The following TUB variants were observed in gnomAD, a reference collection of about 807,000 sequenced individuals.
TUB encodes the protein TUB bipartite transcription factor, also known as tubby protein homolog.
TUB carries 33 observed loss-of-function variants against 59.7 expected under a neutral mutation model. The ratio of observed to expected loss-of-function variants is 0.55; its 90% CI spans 0.42 to 0.74. TUB has a LOEUF of 0.74. Ranked by LOEUF, TUB falls within the 30% of genes least tolerant of loss-of-function variation. The pLI is 0.00. For synonymous variants in TUB, 293 were observed against 256.4 expected, an observed-to-expected ratio of 1.14 and a Z score of -1.36; for missense variants, 659 against 672.0, an observed-to-expected ratio of 0.98 and a Z score of 0.21.
chr11:8,097,451 A>G lies in TUB; in HGVS notation c.885+26A>G, dbSNP rs151335028. The G allele has an allele frequency of 9.2e-5, 149 of 1,614,070 alleles. 1 individual carries two copies. The Admixed American group carries it at 2.4e-3, about 26-fold the overall frequency. Reference sequence around the variant, plus strand: ...GTAAGGTTGGTCTGGGCATGTTATCATCTAGGCTTTACAGCCCTTTGAAAT... The same window carrying G: ...GTAAGGTTGGTCTGGGCATGTTATCGTCTAGGCTTTACAGCCCTTTGAAAT... On this transcript the variant is annotated intron_variant, in intron 7 of 11. Coordinates refer to ENST00000299506, the MANE Select transcript of TUB (RefSeq NM_177972.3).
intron 3 of TUB, among the ~76,000 whole-genome samples, chr11:8,090,510 G>A (rs143029645): frequency 2.2e-3 from 332 of 152,346 alleles, no homozygotes; most frequent in African/African-American, 7.8e-3. Context: ...GTTTTGATCT[G>A]GAGCATTTCA....
rs1445586717 is a variant in TUB at position 8,102,381 on chromosome 11, T to C, written c.*762T>C. On this transcript the variant is annotated 3_prime_UTR_variant, in exon 12 of 12. Transcript: ENST00000299506. ...TGGATGGGCCCTGCAAGACACAGGC[T>C]CAGCATGCAGAAGTGCATGAACAGG... 6.6e-6 allele frequency: 1 copy of C among 152,218 alleles called. No individual in the cohort carries two copies. The highest frequency in any genetic ancestry group is 1.9e-4 in the East Asian group (1 of 5,190). 9.4% of individuals were successfully genotyped at this position (152,218 alleles called of 1,614,324 possible).
At chr11:8,078,731 G>C (rs756706413), upstream of TUB, among the ~76,000 whole-genome samples, 1 of 151,988 alleles carries the variant, frequency 6.6e-6, no homozygotes, top group Non-Finnish European at 1.5e-5. Flanking sequence ...ACACATTGCT[G>C]CGTACACTGA....
In TUB at chr11:8,070,404, T is replaced by G. The variant is rs1447539984; in HGVS notation, c.204-19206T>G. Among the ~76,000 whole-genome samples the G allele has an allele frequency of 2.6e-4, 40 of 152,154 alleles. 1 individual carries two copies. Among genetic ancestry groups the G allele is most frequent in the Admixed American group, 2.6e-3 (40 of 15,280 alleles). On this transcript the variant is annotated intron_variant, in intron 2 of 12. Transcript: ENST00000305253. ...TCTTGTACCACTGTAAATGAGATCTTTTTCATTCTCATTTTGCAAATGATA... is the reference window on the plus strand; with the variant it reads ...TCTTGTACCACTGTAAATGAGATCTGTTTCATTCTCATTTTGCAAATGATA...
chr11:8,043,467 C>T (rs562317080), intron 2 of TUB, among the ~76,000 whole-genome samples: 1 of 152,250 alleles, frequency 6.6e-6, no homozygotes. Flanking sequence ...AGAAGCCAGC[C>T]AGTATTCTAA....
chr11:8,103,696 C>G lies in TUB; in HGVS notation c.*2077C>G, dbSNP rs186717831. The G allele has an allele frequency of 4.7e-3, 716 of 152,740 alleles. 3 individuals are homozygous for G. Among genetic ancestry groups the G allele is most frequent in the Non-Finnish European group, 7.1e-3 (484 of 68,040 alleles). 9.5% of individuals were successfully genotyped at this position (152,740 alleles called of 1,614,324 possible). The stretch of plus-strand genomic sequence containing the variant: ...CCTCCTTTCTATAGTTCCAGTTTAG[C>G]CCTTCCCTGCCTTTAAGGAGAAGAG... On this transcript the variant is annotated 3_prime_UTR_variant, in exon 12 of 12. Transcript: ENST00000299506.
Position 8,039,643 on chromosome 11 carries a change from A to G in TUB, c.156-2A>G, listed in dbSNP as rs768318338. ...AGAGTCACCCCTTCTTTTCCTCCTC[A>G]GGAGAACAACCAGGAGGAAGTACTG... On this transcript the variant is annotated splice_acceptor_variant, in intron 1 of 12. Coordinates refer to the TUB transcript ENST00000305253. LOFTEE classifies it high-confidence loss of function. 2.7e-6 allele frequency: 4 copies of G among 1,505,396 alleles called. No individual in the cohort carries two copies. The highest frequency in any genetic ancestry group is 2.5e-5 in the East Asian group (1 of 39,480). 93.3% of individuals were successfully genotyped at this position (1,505,396 alleles called of 1,614,324 possible).
intron 1 of TUB, among the ~76,000 whole-genome samples, chr11:8,030,132 A>C (rs1021972544): frequency 5.3e-5 from 8 of 152,228 alleles, no homozygotes; most frequent in African/African-American, 1.7e-4. Context: ...TGGACTTTTC[A>C]GATCCCTTGG....
chr11:8,060,285 C>A (rs1028782985), intron 2 of TUB, among the ~76,000 whole-genome samples: 2 of 152,182 alleles, frequency 1.3e-5, no homozygotes, highest in Non-Finnish European at 2.9e-5. Context: ...CTGCCTGGAC[C>A]TTGTTTCTGG....
chr11:8,032,318 C>T (rs374219916), intron 1 of TUB, among the ~76,000 whole-genome samples: 7 of 152,168 alleles, frequency 4.6e-5, no homozygotes, highest in African/African-American at 9.7e-5. Flanking sequence ...GAAGTAGGCT[C>T]GTAGCCGGTG....
At chr11:8,043,142 T>C (rs1313879197) in intron 2 of TUB, among the ~76,000 whole-genome samples, 2 of 152,210 alleles carry the variant, frequency 1.3e-5, no homozygotes, top group African/African-American at 4.8e-5. Context: ...ACTCATTCAT[T>C]TGAATATGGA....
intron 1 of TUB, among the ~76,000 whole-genome samples, chr11:8,021,435 A>T (rs1345055371): frequency 1.3e-5 from 2 of 151,882 alleles, no homozygotes; most frequent in Non-Finnish European, 2.9e-5. Flanking sequence ...GTGTCACTGC[A>T]CTCCAGCCTG....
rs916354411 is a variant in TUB at position 8,104,998 on chromosome 11, G to C, written c.*3379G>C. On this transcript the variant is annotated 3_prime_UTR_variant, in exon 12 of 12. Coordinates refer to ENST00000299506, the MANE Select transcript of TUB (RefSeq NM_177972.3). ...ACCTCTTAAATAAACTTAGCATTTA[G>C]AGGTAATTCTAAATTTAACAAGTGA... 6.9e-6 allele frequency: 1 copy of C among 144,772 alleles called. No homozygotes were observed. The highest frequency in any genetic ancestry group is 2.7e-5 in the African/African-American group (1 of 37,230). The allele number at this position is 144,772 out of a possible 1,614,324, so 9.0% of individuals were successfully genotyped here.
rs769416461 is a variant in TUB at position 8,090,207 on chromosome 11, A to C, written c.229A>C (p.Ser77Arg). ...CCCCCTGGTGGAGTCCTACCTCAGC[A>C]GCAGTGGCAGCACCAGCTACCAAGG... Reference protein sequence around the residue: ...QAPLVESYLSSSGSTSYQVQE... With the variant: ...QAPLVESYLSRSGSTSYQVQE... The change falls in exon 3 of 12, where the codon AGC becomes CGC. Residue 77 changes from serine (S) to arginine (R), a missense_variant. By Grantham distance (110) the Ser-to-Arg change is moderately radical (BLOSUM62 -1). Transcript: ENST00000299506. 1 of 1,613,674 alleles carries C rather than the reference A, an allele frequency of 6.2e-7. No homozygotes were observed.
chr11:8,022,302 A>C (rs1186461965), intron 1 of TUB, among the ~76,000 whole-genome samples: 4 of 152,344 alleles, frequency 2.6e-5, no homozygotes, highest in African/African-American at 9.6e-5. Flanking sequence ...CAACACATAC[A>C]TTGGGTACAT....
At chr11:8,019,826 G>T (rs1009818743) in intron 1 of TUB, among the ~76,000 whole-genome samples, 8 of 152,016 alleles carry the variant, frequency 5.3e-5, no homozygotes, top group African/African-American at 1.2e-4. Context: ...GCCCCGGGCG[G>T]AGTGTCCCGC....
chr11:8,053,121 T>C (rs1250502131), intron 2 of TUB, among the ~76,000 whole-genome samples: 1 of 152,206 alleles, frequency 6.6e-6, no homozygotes, highest in Non-Finnish European at 1.5e-5. Context: ...ATCCAAGACC[T>C]CTTTGGTATC....
At chr11:8,058,216 A>T (rs11041726) in intron 2 of TUB, among the ~76,000 whole-genome samples, 3 of 138,176 alleles carry the variant, frequency 2.2e-5, no homozygotes, top group Admixed American at 1.4e-4. Context: ...TCTCTCTCAA[A>T]AATTAAAAAA....
chr11:8,065,392 TA>T (rs752545077), intron 2 of TUB, among the ~76,000 whole-genome samples: 3 of 152,144 alleles, frequency 2.0e-5, no homozygotes, highest in Non-Finnish European at 4.4e-5. Flanking sequence ...GACACAGAGT[TA>T]AGAAGTGGTT....
Sources: gnomAD v4.1 joint callset for allele counts (sites outside exome capture counted in the v4.1 genomes callset) on GRCh38, gnomAD v4.1.1 for gene constraint, MANE v1.5 for transcripts, NCBI Gene and HGNC (gene_info 2026-07-23, HGNC 2026-07-21) for gene names.